The following KDM6A variants were observed in gnomAD, a reference collection of about 807,000 sequenced individuals.
KDM6A encodes lysine-specific demethylase 6A.
KDM6A carries 11 observed loss-of-function variants against 117.6 expected under a neutral mutation model. That is an observed-to-expected ratio of 0.09 (90% CI 0.06 to 0.15). KDM6A has a LOEUF of 0.15. Ranked by LOEUF, KDM6A falls within the 10% of genes least tolerant of loss-of-function variation. The pLI is 1.00. For missense variants in KDM6A, 799 were observed against 1,077.3 expected (o/e 0.74, Z 3.62); for synonymous variants, 384 against 396.1 (o/e 0.97, Z 0.36).
chrX:44,977,762 GTATTT>G (rs2039685394), intron 4 of KDM6A, among the ~76,000 whole-genome samples: 2 of 111,920 alleles, frequency 1.8e-5, no homozygotes, highest in African/African-American at 6.5e-5. Flanking sequence ...GTGAGAAATG[GTATTT>G]TATTATAATT....
rs151056541 is a variant in KDM6A at position 44,957,804 on chromosome X, C to T, written c.226-3480C>T. Among the ~76,000 whole-genome samples the T allele has an allele frequency of 6.6e-3, 739 of 111,881 alleles. 6 individuals carry two copies. Among genetic ancestry groups the T allele is most frequent in the African/African-American group, 0.023 (714 of 30,785 alleles). On this transcript the variant is annotated intron_variant, in intron 2 of 29. Coordinates refer to ENST00000611820, the MANE Select transcript of KDM6A (RefSeq NM_001291415.2). The stretch of plus-strand genomic sequence containing the variant: ...TTTTATTAGGCTTTTCATTTATAAA[C>T]ATAAGAAATTTTGCTTTCCTAATAT...
intron 2 of KDM6A, among the ~76,000 whole-genome samples, chrX:44,901,146 C>A (rs751953176): frequency 9.0e-6 from 1 of 111,295 alleles, no homozygotes; most frequent in African/African-American, 3.3e-5. Flanking sequence ...TTTGGGAGGC[C>A]ATGGCGGGCA....
At chrX:45,087,264 C>G (rs2045683741) in intron 25 of KDM6A, among the ~76,000 whole-genome samples, 1 of 113,419 alleles carries the variant, frequency 8.8e-6, no homozygotes, top group African/African-American at 3.2e-5. Context: ...GCTGGGATTA[C>G]AGGCGTGAGC....
chrX:44,907,225 A>G lies in KDM6A; in HGVS notation c.225+33238A>G, dbSNP rs756699640. On this transcript the variant is annotated intron_variant, in intron 2 of 29. Transcript: ENST00000611820. ...TTTAATTTTCTGTGTTTTCTCTCAT[A>G]TGTATGTAAGCCCCAATATGGTCAG... Among the ~76,000 whole-genome samples, 8 of 111,944 alleles carry G rather than the reference A, an allele frequency of 7.1e-5. No individual in the cohort carries two copies. In the East Asian group the frequency reaches 2.3e-3, roughly 32 times the overall value.
chrX:45,105,220 T>C (rs1293769871), intron 27 of KDM6A, among the ~76,000 whole-genome samples: 1 of 111,722 alleles, frequency 9.0e-6, no homozygotes, highest in African/African-American at 3.3e-5. Context: ...AACTCATAGC[T>C]CAACCACTTA....
At chrX:45,000,700 C>T (rs776246479) in intron 4 of KDM6A, among the ~76,000 whole-genome samples, 85 of 112,873 alleles carry the variant, frequency 7.5e-4, no homozygotes, top group Admixed American at 1.6e-3. Context: ...TGTTGGGAGA[C>T]GGAAGTTGGA....
chrX:45,063,902 G>C, intron 17 of KDM6A, 85 bp downstream of exon 17: 1 of 937,081 alleles, frequency 1.1e-6, no homozygotes, highest in Non-Finnish European at 1.5e-6. Context: ...GAAGAGAGAA[G>C]TGTTTGGGGA....
intron 2 of KDM6A, among the ~76,000 whole-genome samples, chrX:44,894,848 A>G (rs1376696890): frequency 1.9e-5 from 2 of 105,185 alleles, no homozygotes; most frequent in East Asian, 6.0e-4. Context: ...GCTCACTGCA[A>G]CCTCCGGCTC....
At chrX:44,880,452 CTTT>C (rs750171607) in intron 2 of KDM6A, among the ~76,000 whole-genome samples, 9 of 91,922 alleles carry the variant, frequency 9.8e-5, no homozygotes, top group Admixed American at 1.2e-4. Context: ...TTCTGTACTG[CTTT>C]TTTTTTTTTT....
intron 2 of KDM6A, among the ~76,000 whole-genome samples, chrX:44,933,687 C>T (rs963852825): frequency 9.0e-6 from 1 of 111,081 alleles, no homozygotes; most frequent in Non-Finnish European, 1.9e-5. Flanking sequence ...AAGTGATTCT[C>T]GTGCCTCAGC....
intron 2 of KDM6A, among the ~76,000 whole-genome samples, chrX:44,890,245 G>T (rs977559974): frequency 8.9e-6 from 1 of 112,397 alleles, no homozygotes; most frequent in Non-Finnish European, 1.9e-5. Context: ...GTTGTATTGT[G>T]TATCAACAGT....
intron 8 of KDM6A, among the ~76,000 whole-genome samples, chrX:45,043,209 G>A (rs990929863): frequency 1.8e-5 from 2 of 111,309 alleles, no homozygotes; most frequent in African/African-American, 6.5e-5. Flanking sequence ...AGGATCTCTT[G>A]AGCCTGGGAG....
rs1451645118 is a variant in KDM6A, at chrX:44,984,025, T to C, written c.384+9310T>C. ...TGGTTGAACTAGTTTACAGTCCCAC[T>C]AACAGTGTAAAAGTGTTCCTATTTC... On this transcript the variant is annotated intron_variant, in intron 4 of 29. Coordinates refer to ENST00000611820, the MANE Select transcript of KDM6A (RefSeq NM_001291415.2). Among the ~76,000 whole-genome samples, 4 of 110,791 alleles carry C rather than the reference T, an allele frequency of 3.6e-5. No homozygotes were observed. In the East Asian group the frequency reaches 8.5e-4, roughly 24 times the overall value.
intron 2 of KDM6A, among the ~76,000 whole-genome samples, chrX:44,931,157 C>T (rs1164715909): frequency 7.2e-5 from 8 of 111,080 alleles, no homozygotes; most frequent in East Asian, 2.8e-4. Context: ...CTCCGCCTCC[C>T]GGGTTGAAGA....
rs12011925 is a variant in KDM6A at position 45,061,546 on chromosome X, T to C, written c.1581+127T>C. 0.013 allele frequency: 4,672 copies of C among 353,970 alleles called. 252 individuals are homozygous for C. The African/African-American group carries it at 0.13, about 10-fold the overall frequency. 29.2% of individuals were successfully genotyped at this position (353,970 alleles called of 1,213,427 possible). A position where few individuals can be genotyped will look rare whatever the true frequency, so the allele number is the denominator to read the frequency against. On this transcript the variant is annotated intron_variant, in intron 15 of 29. Coordinates refer to ENST00000611820, the MANE Select transcript of KDM6A (RefSeq NM_001291415.2). ...TTGCTCTGTCACCCAGGCTGGAGTA[T>C]AGTGGCACGCTCTTGGCTCACTGCA...
chrX:44,884,871 AT>A (rs1177611075), intron 2 of KDM6A, among the ~76,000 whole-genome samples: 1 of 111,686 alleles, frequency 9.0e-6, no homozygotes, highest in Non-Finnish European at 1.9e-5. Flanking sequence ...CTACCTTGGT[AT>A]CTTGAAGGTA....
intron 18 of KDM6A, among the ~76,000 whole-genome samples, chrX:45,071,799 C>A (rs772743291): frequency 1.2e-5 from 1 of 81,777 alleles, no homozygotes; most frequent in East Asian, 3.7e-4. Context: ...AAGACAGTTT[C>A]GCTCTTGTTG....
chrX:45,059,295 T>C lies in KDM6A; in HGVS notation c.1023T>C (p.Tyr341=), dbSNP rs1489069685. ...QNQPMDALQA[Y]ICAVQLDHGH... is the part of the protein sequence containing the mutation. The stretch of plus-strand genomic sequence containing the variant: ...AGCCCATGGATGCTTTACAGGCCTA[T>C]ATTTGTGCTGTACAATTGGACCATG... Residue 341 remains tyrosine (Y), a synonymous_variant, in exon 12 of 30, where the codon TAT becomes TAC. Transcript: ENST00000611820. 8.3e-7 allele frequency: 1 copy of C among 1,209,279 alleles called. No homozygotes were observed. The highest frequency in any genetic ancestry group is 1.1e-6 in the Non-Finnish European group (1 of 895,081).
At chrX:45,091,089 C>T (rs1368971763) in intron 27 of KDM6A, among the ~76,000 whole-genome samples, 1 of 110,995 alleles carries the variant, frequency 9.0e-6, no homozygotes, top group African/African-American at 3.3e-5. Flanking sequence ...AGTAGAGTCA[C>T]AGACCTGTGC....
Sources: allele counts gnomAD v4.1 joint callset (sites outside exome capture counted in the v4.1 genomes callset), GRCh38; gene constraint gnomAD v4.1.1; transcripts MANE v1.5; gene names NCBI Gene and HGNC (gene_info 2026-07-23, HGNC 2026-07-21).